ANK1: variants seen among roughly 807,000 people sequenced by gnomAD.
ANK1 encodes the protein ankyrin-1.
Under a neutral mutation model 210.4 loss-of-function variants are expected in ANK1, and 51 were observed. The observed-to-expected ratio is 0.24, with a 90% CI of 0.19 to 0.31. The LOEUF (loss-of-function observed/expected upper bound fraction) is 0.31. Ranked by LOEUF, ANK1 falls within the 10% of genes least tolerant of loss-of-function variation. ANK1 has a pLI of 1.00. For synonymous variants in ANK1, 967 were observed against 1,025.9 expected (o/e 0.94, Z 1.10); for missense variants, 2,051 against 2,504.4 (o/e 0.82, Z 3.86).
chr8:41,732,977 A>T (rs919391251), intron 3 of ANK1, among the ~76,000 whole-genome samples: 2 of 152,078 alleles, frequency 1.3e-5, no homozygotes, highest in African/African-American at 4.8e-5. Context: ...ACCTCAAGTG[A>T]TCCTCCCGCC....
intron 1 of ANK1, among the ~76,000 whole-genome samples, chr8:41,850,905 C>T (rs556342157): frequency 7.1e-4 from 108 of 152,348 alleles, no homozygotes; most frequent in African/African-American, 2.5e-3. Flanking sequence ...GCAAAGCTCA[C>T]GTGCATGTCA....
chr8:41,697,747 C>G, intron 24 of ANK1: 1 of 483,540 alleles, frequency 2.1e-6, no homozygotes, highest in East Asian at 4.1e-5. Context: ...GAGTTGAAGA[C>G]AGTGGGCTGG....
chr8:41,893,273 G>A (rs1819785413), intron 1 of ANK1, among the ~76,000 whole-genome samples: 1 of 152,208 alleles, frequency 6.6e-6, no homozygotes, highest in African/African-American at 2.4e-5. Context: ...TCAAAAGCAG[G>A]GGGACTTATC....
chr8:41,820,291 C>A (rs1006210580), intron 1 of ANK1, among the ~76,000 whole-genome samples: 11 of 139,560 alleles, frequency 7.9e-5, no homozygotes, highest in African/African-American at 2.6e-4. Flanking sequence ...TCCTGAGTAG[C>A]TGAGATTGCA....
chr8:41,763,917 G>GTTTTTTTTTTTTT (rs1841149807), intron 1 of ANK1, among the ~76,000 whole-genome samples: 1 of 101,544 alleles, frequency 9.8e-6, no homozygotes, highest in Admixed American at 1.1e-4. Context: ...TTTTTTTTGG[G>GTTTTTTTTTTTTT]CTTCTCCAGG....
At chr8:41,884,412 C>T (rs776351796) in intron 1 of ANK1, among the ~76,000 whole-genome samples, 5 of 152,128 alleles carry the variant, frequency 3.3e-5, no homozygotes, top group Admixed American at 6.6e-5. Context: ...ACTGCCTCAG[C>T]TAACATACAG....
chr8:41,769,524 C>T (rs746076688), intron 1 of ANK1, among the ~76,000 whole-genome samples: 2 of 152,150 alleles, frequency 1.3e-5, no homozygotes, highest in South Asian at 2.1e-4. Context: ...GAAAATTCCC[C>T]GCTCAGATGA....
At chr8:41,802,974 G>A (rs1197735421) in intron 1 of ANK1, among the ~76,000 whole-genome samples, 3 of 48,804 alleles carry the variant, frequency 6.1e-5, no homozygotes, top group Admixed American at 2.9e-4. Flanking sequence ...AGAGAGAGAT[G>A]AAAAAAGAAA....
intron 1 of ANK1, among the ~76,000 whole-genome samples, chr8:41,871,668 C>T (rs1815533267): frequency 6.6e-6 from 1 of 152,212 alleles, no homozygotes; most frequent in Admixed American, 6.5e-5. Context: ...CCTGCTGACA[C>T]CTTGTTCTTG....
chr8:41,723,770 A>AT, intron 7 of ANK1, 137 bp from the exon 8 acceptor site: 1 of 549,958 alleles, frequency 1.8e-6, no homozygotes. Context: ...GGCCTAAGAT[A>AT]TTTTATTTTT....
rs186959417 is a variant in ANK1 at position 41,688,913 on chromosome 8, A to G, written c.4105-324T>C. Among the ~76,000 whole-genome samples, 4 of 152,278 alleles carry G rather than the reference A, an allele frequency of 2.6e-5. No homozygotes were observed. The East Asian group carries it at 7.7e-4, about 29-fold the overall frequency. ...TTACTCCCATTTCATCAATACGTAA[A>G]CTGAGGCATAGAGAGACAAAGTTCC... On this transcript the variant is annotated intron_variant, in intron 33 of 42. Coordinates refer to ENST00000289734, the MANE Select transcript of ANK1 (RefSeq NM_000037.4).
At chr8:41,865,722 C>A (rs530454026) in intron 1 of ANK1, among the ~76,000 whole-genome samples, 1 of 152,126 alleles carries the variant, frequency 6.6e-6, no homozygotes, top group Middle Eastern at 3.2e-3. Flanking sequence ...CCCTCCTCCC[C>A]CCAGCAGTCC....
intron 1 of ANK1, among the ~76,000 whole-genome samples, chr8:41,763,057 A>C (rs915656899): frequency 2.0e-5 from 3 of 152,122 alleles, no homozygotes; most frequent in Non-Finnish European, 4.4e-5. Flanking sequence ...CTCTATTAAA[A>C]ATAGAAAAAG....
chr8:41,822,961 C>T (rs1319111608), intron 1 of ANK1, among the ~76,000 whole-genome samples: 4 of 152,298 alleles, frequency 2.6e-5, no homozygotes, highest in South Asian at 2.1e-4. Context: ...CGCTGAGCAC[C>T]GCTGAGCCTG....
chr8:41,711,021 T>C (rs1020951353), intron 16 of ANK1, among the ~76,000 whole-genome samples: 1 of 152,262 alleles, frequency 6.6e-6, no homozygotes, highest in Non-Finnish European at 1.5e-5. Context: ...AATTTGATTA[T>C]GTTATGAGAA....
chr8:41,698,927 G>C (rs1017242656), intron 23 of ANK1, among the ~76,000 whole-genome samples: 2 of 152,044 alleles, frequency 1.3e-5, no homozygotes, highest in African/African-American at 4.8e-5. Context: ...CTCCCGAGTA[G>C]CTGGGACTAC....
intron 37 of ANK1, among the ~76,000 whole-genome samples, chr8:41,675,035 T>C (rs906700096): frequency 6.6e-6 from 1 of 152,216 alleles, no homozygotes; most frequent in Non-Finnish European, 1.5e-5. Context: ...GGTCAACTGA[T>C]GATTATTTTT....
At chr8:41,895,448 GGT>G (rs1820297109) in intron 1 of ANK1, among the ~76,000 whole-genome samples, 1 of 152,198 alleles carries the variant, frequency 6.6e-6, no homozygotes, top group Non-Finnish European at 1.5e-5. Flanking sequence ...TCTGACCTAA[GGT>G]GCTTCTCAAG....
intron 1 of ANK1, among the ~76,000 whole-genome samples, chr8:41,856,843 A>G (rs544878738): frequency 1.3e-5 from 2 of 150,026 alleles, no homozygotes; most frequent in Non-Finnish European, 3.0e-5. Flanking sequence ...ATCAACCACA[A>G]CGGTCTTTCG....
Sources: gnomAD v4.1 joint callset for allele counts (sites outside exome capture counted in the v4.1 genomes callset) on GRCh38, gnomAD v4.1.1 for gene constraint, MANE v1.5 for transcripts, NCBI Gene and HGNC (gene_info 2026-07-23, HGNC 2026-07-21) for gene names.